The following JMJD1C variants were observed in gnomAD, a reference collection of about 807,000 sequenced individuals.
JMJD1C encodes the protein jumonji domain-containing protein 1C.
Under a neutral mutation model 245.3 loss-of-function variants are expected in JMJD1C, and 31 were observed. The observed-to-expected ratio is 0.13, with a 90% confidence interval of 0.09 to 0.17. The LOEUF (loss-of-function observed/expected upper bound fraction) is 0.17, where lower values mean the gene tolerates loss of function less well. Ranked by LOEUF, JMJD1C falls within the 10% of genes least tolerant of loss-of-function variation. The pLI is 1.00. For missense variants in JMJD1C, 2,691 were observed against 3,000.2 expected (o/e 0.90, Z 2.41); for synonymous variants, 1,057 against 1,017.4 (o/e 1.04, Z -0.74).
intron 24 of JMJD1C, among the ~76,000 whole-genome samples, chr10:63,170,193 G>A (rs1842220108): frequency 6.6e-6 from 1 of 152,022 alleles, no homozygotes; most frequent in South Asian, 2.1e-4. Context: ...CCTGATTTCT[G>A]CTGGCTCTTT....
chr10:63,395,198 G>C (rs1444918913), intron 1 of JMJD1C, among the ~76,000 whole-genome samples: 1 of 152,082 alleles, frequency 6.6e-6, no homozygotes, highest in African/African-American at 2.4e-5. Flanking sequence ...AAAATTTTTG[G>C]CCAGGTGCAG....
intron 2 of JMJD1C, among the ~76,000 whole-genome samples, chr10:63,377,751 C>G (rs1369854606): frequency 6.6e-6 from 1 of 151,542 alleles, no homozygotes; most frequent in Non-Finnish European, 1.5e-5. Context: ...AAAAATTTAG[C>G]TAGGCATAGT....
chr10:63,335,410 T>C (rs1942623855), intron 2 of JMJD1C, among the ~76,000 whole-genome samples: 1 of 152,224 alleles, frequency 6.6e-6, no homozygotes, highest in Non-Finnish European at 1.5e-5. Flanking sequence ...AAAAGCTAAA[T>C]ATTCCATTTA....
At chr10:63,352,115 T>G (rs1226312839) in intron 2 of JMJD1C, among the ~76,000 whole-genome samples, 1 of 152,020 alleles carries the variant, frequency 6.6e-6, no homozygotes, top group East Asian at 1.9e-4. Context: ...AACAAAAAAA[T>G]TTTAGACATA....
At chr10:63,176,820 T>TA (rs1488021470) in intron 23 of JMJD1C, 1 of 152,800 alleles carries the variant, frequency 6.5e-6, no homozygotes, top group African/African-American at 2.5e-5. Context: ...TTTTTTTTTT[T>TA]ACCAAAAGCC....
At chr10:63,429,408 A>G (rs1042530468) in intron 1 of JMJD1C, among the ~76,000 whole-genome samples, 8 of 152,240 alleles carry the variant, frequency 5.3e-5, no homozygotes, top group African/African-American at 1.4e-4. Flanking sequence ...CAGCAATATT[A>G]GGATGCACAA....
At chr10:63,335,509 C>T (rs1036681255) in intron 2 of JMJD1C, among the ~76,000 whole-genome samples, 2 of 152,074 alleles carry the variant, frequency 1.3e-5, no homozygotes, top group Non-Finnish European at 1.5e-5. Flanking sequence ...AACCATCATA[C>T]TTGTTTTTTT....
At chr10:63,196,995 G>T (rs566515609) in intron 13 of JMJD1C, among the ~76,000 whole-genome samples, 1 of 151,796 alleles carries the variant, frequency 6.6e-6, no homozygotes, top group African/African-American at 2.4e-5. Flanking sequence ...AGAGATGGGG[G>T]TTTTGCCATG....
At chr10:63,364,714 T>TG (rs1945697454) in intron 2 of JMJD1C, among the ~76,000 whole-genome samples, 1 of 152,174 alleles carries the variant, frequency 6.6e-6, no homozygotes, top group Non-Finnish European at 1.5e-5. Flanking sequence ...CTCGAACTCT[T>TG]GGACTCAAGT....
chr10:63,295,012 T>C (rs986843620), intron 2 of JMJD1C, among the ~76,000 whole-genome samples: 1 of 131,818 alleles, frequency 7.6e-6, no homozygotes, highest in East Asian at 2.1e-4. Flanking sequence ...ACAACCATCT[T>C]AGGTCATCAA....
At chr10:63,219,771 T>A (rs1848396810) in intron 4 of JMJD1C, 107 bp downstream of exon 4, 1 of 643,478 alleles carries the variant, frequency 1.6e-6, no homozygotes, top group Admixed American at 2.5e-5. Context: ...ACTCAAAATA[T>A]TGGACTGGGC....
At chr10:63,216,545 C>T (rs1848001110) in intron 5 of JMJD1C, among the ~76,000 whole-genome samples, 1 of 151,736 alleles carries the variant, frequency 6.6e-6, no homozygotes, top group Non-Finnish European at 1.5e-5. Context: ...CCCGTATCTA[C>T]TAAAAATACA....
chr10:63,381,524 T>G lies in JMJD1C; in HGVS notation c.169-1042A>C, dbSNP rs576121574. On this transcript the variant is annotated intron_variant, in intron 1 of 25. Transcript: ENST00000399262. ...TGCAGCCCAGGTGACAGAATGAGAC[T>G]CTGTCTATTCAAAAAACAAACAAAA... Among the ~76,000 whole-genome samples, 50 of 152,246 alleles carry G rather than the reference T, an allele frequency of 3.3e-4. 2 individuals carry two copies. The South Asian group carries it at 0.01, about 32-fold the overall frequency.
chr10:63,426,713 C>T (rs1031790883), intron 1 of JMJD1C, among the ~76,000 whole-genome samples: 1 of 152,066 alleles, frequency 6.6e-6, no homozygotes, highest in African/African-American at 2.4e-5. Context: ...CCACAGGTTA[C>T]TTACTATCCT....
rs565856524 is a variant in JMJD1C at position 63,240,541 on chromosome 10, C to T, written c.448-20558G>A. On this transcript the variant is annotated intron_variant, in intron 3 of 25. Transcript: ENST00000399262. Reference sequence around the variant, plus strand: ...TTGTGAAGTGGAGGAAGAAACCAGGCTGCAATAACTGAAGATATTATTGGG... The same window carrying T: ...TTGTGAAGTGGAGGAAGAAACCAGGTTGCAATAACTGAAGATATTATTGGG... Among the ~76,000 whole-genome samples, 262 of 152,134 alleles carry T rather than the reference C, an allele frequency of 1.7e-3. 1 individual carries two copies. Among genetic ancestry groups the T allele is most frequent in the Non-Finnish European group, 3.3e-3 (227 of 67,992 alleles).
intron 2 of JMJD1C, among the ~76,000 whole-genome samples, chr10:63,315,873 G>A (rs1029683775): frequency 2.1e-5 from 3 of 142,440 alleles, no homozygotes; most frequent in Non-Finnish European, 4.6e-5. Flanking sequence ...AAAAAAAAAA[G>A]AAGAAATTCT....
intron 2 of JMJD1C, among the ~76,000 whole-genome samples, chr10:63,288,881 TAATAATAC>T (rs1858297188): frequency 7.9e-6 from 1 of 125,802 alleles, no homozygotes; most frequent in Non-Finnish European, 1.6e-5. Context: ...TGTCTCATAA[TAATAATAC>T]AATAATAATA....
At chr10:63,362,110 C>T (rs1234455322) in intron 2 of JMJD1C, among the ~76,000 whole-genome samples, 1 of 151,918 alleles carries the variant, frequency 6.6e-6, no homozygotes, top group Non-Finnish European at 1.5e-5. Flanking sequence ...TGGCACATGT[C>T]TGTAATCCCA....
Position 63,206,798 on chromosome 10 carries a change from G to A in JMJD1C, c.4871C>T (p.Ser1624Phe), listed in dbSNP as rs760860474. ...NRRKAKRTYE[S>F]GSESGDSDES... ...ATCTGAGTCTCCACTTTCAGAGCCA[G>A]ATTCATAAGTTCTTTTGGCTTTTCT... Residue 1624 changes from serine (S) to phenylalanine (F), a missense_variant, in exon 10 of 26, where the codon TCT becomes TTT. Ser to Phe is a radical substitution (Grantham distance 155). Coordinates refer to ENST00000399262, the MANE Select transcript of JMJD1C (RefSeq NM_032776.3). 4.4e-6 allele frequency: 7 copies of A among 1,604,520 alleles called. No homozygotes were observed. In the Admixed American group the frequency reaches 1.2e-4, roughly 28 times the overall value.
Sources: gnomAD v4.1 joint callset for allele counts (sites outside exome capture counted in the v4.1 genomes callset) on GRCh38, gnomAD v4.1.1 for gene constraint, MANE v1.5 for transcripts, NCBI Gene and HGNC (gene_info 2026-07-23, HGNC 2026-07-21) for gene names.